Variants in SH3PXD2B observed in about 807,000 individuals in gnomAD.
SH3PXD2B encodes SH3 and PX domain-containing protein 2B.
SH3PXD2B carries 37 observed loss-of-function variants against 73.1 expected under a neutral mutation model. The observed-to-expected ratio is 0.51, with a 90% confidence interval of 0.39 to 0.67. The LOEUF is 0.67. Ranked by LOEUF, SH3PXD2B falls within the 30% of genes least tolerant of loss-of-function variation. SH3PXD2B has a pLI of 0.00. For missense variants in SH3PXD2B, 1,053 were observed against 1,197.8 expected, an observed-to-expected ratio of 0.88 and a Z score of 1.78; for synonymous variants, 457 against 480.5, an observed-to-expected ratio of 0.95 and a Z score of 0.64.
At chr5:172,387,433 T>C (rs2731725) in intron 4 of SH3PXD2B, among the ~76,000 whole-genome samples, 77,471 of 152,088 alleles carry the variant, frequency 0.51, 21,236 homozygotes, top group East Asian at 0.71. Flanking sequence ...TGGTGAAATG[T>C]TCCTAGAAAT....
chr5:172,334,565 C>T lies in SH3PXD2B; in HGVS notation c.*3804G>A, dbSNP rs1471224189. 1 of 985,438 alleles carries T rather than the reference C, an allele frequency of 1.0e-6. No homozygotes were observed. Among genetic ancestry groups the T allele is most frequent in the Non-Finnish European group, 1.2e-6 (1 of 830,028 alleles). The allele number at this position is 985,438 out of a possible 1,614,324, so 61.0% of individuals were successfully genotyped here. On this transcript the variant is annotated 3_prime_UTR_variant, in exon 13 of 13. Coordinates refer to ENST00000311601, the MANE Select transcript of SH3PXD2B (RefSeq NM_001017995.3). Reference sequence around the variant, plus strand: ...TCAGGCTGTTAGGTGTCCACTGTCACAGTCCAAAGAGAAAGGTACGGCCTC... The same window carrying T: ...TCAGGCTGTTAGGTGTCCACTGTCATAGTCCAAAGAGAAAGGTACGGCCTC...
chr5:172,359,565 G>A (rs1198220116), intron 7 of SH3PXD2B, among the ~76,000 whole-genome samples: 1 of 152,156 alleles, frequency 6.6e-6, no homozygotes, highest in Non-Finnish European at 1.5e-5. Flanking sequence ...CTGCGGTAGA[G>A]CTGTGACGTG....
chr5:172,423,350 G>A (rs1759016522), intron 1 of SH3PXD2B, among the ~76,000 whole-genome samples: 1 of 152,160 alleles, frequency 6.6e-6, no homozygotes, highest in South Asian at 2.1e-4. Flanking sequence ...ACAAGTGAAA[G>A]CTGTTTGGAA....
chr5:172,432,913 CTCA>C (rs1759281488), intron 1 of SH3PXD2B, among the ~76,000 whole-genome samples: 3 of 59,978 alleles, frequency 5.0e-5, no homozygotes, highest in African/African-American at 2.7e-4. Flanking sequence ...CTCTGTCTGT[CTCA>C]AAAAAAAAAG....
chr5:172,397,509 TG>T (rs1387490183), intron 3 of SH3PXD2B, among the ~76,000 whole-genome samples: 2 of 152,214 alleles, frequency 1.3e-5, no homozygotes, highest in African/African-American at 4.8e-5. Flanking sequence ...TTTTGCAGCT[TG>T]GGGGGCATCA....
At chr5:172,331,272 G>C (rs1201298372), downstream of SH3PXD2B, among the ~76,000 whole-genome samples, 10 of 152,272 alleles carry the variant, frequency 6.6e-5, no homozygotes, top group Admixed American at 3.9e-4. Flanking sequence ...GACTATACCA[G>C]GTAAGGTGCA....
At chr5:172,441,539 T>TG (rs1759550118) in intron 1 of SH3PXD2B, among the ~76,000 whole-genome samples, 1 of 152,036 alleles carries the variant, frequency 6.6e-6, no homozygotes, top group Non-Finnish European at 1.5e-5. Context: ...GAAGACAAAA[T>TG]GGGGGGTTCA....
At chr5:172,446,490 C>T (rs144937409) in intron 1 of SH3PXD2B, among the ~76,000 whole-genome samples, 2 of 152,194 alleles carry the variant, frequency 1.3e-5, no homozygotes, top group Admixed American at 1.3e-4. Context: ...AGCAAGACTG[C>T]TCCCCTGACA....
rs149344743 is a variant in SH3PXD2B at position 172,396,864 on chromosome 5, C to T, written c.233-2225G>A. On this transcript the variant is annotated intron_variant, in intron 3 of 12. Coordinates refer to ENST00000311601, the MANE Select transcript of SH3PXD2B (RefSeq NM_001017995.3). ...ACTGAGGCAGGAGAATCGCTTGAAC[C>T]CAGGAGATGGAGGTTGCAGTGAGCT... 5.6e-4 allele frequency among the ~76,000 whole-genome samples: 85 copies of T among 152,184 alleles called. No homozygotes were observed. In the East Asian group the frequency reaches 0.012, roughly 21 times the overall value.
At chr5:172,358,961 G>A in intron 7 of SH3PXD2B, 84 bp from the exon 8 acceptor site, 1 of 1,288,472 alleles carries the variant, frequency 7.8e-7, no homozygotes, top group South Asian at 1.3e-5. Context: ...TTCAGCCACT[G>A]TACCAGTGAA....
intron 12 of SH3PXD2B, among the ~76,000 whole-genome samples, chr5:172,344,538 A>T: frequency 7.5e-6 from 1 of 134,194 alleles, no homozygotes; most frequent in African/African-American, 2.8e-5. Flanking sequence ...CAGTGAGCTG[A>T]GATTGAGCCA....
intron 12 of SH3PXD2B, among the ~76,000 whole-genome samples, chr5:172,326,988 C>T (rs1422740508): frequency 1.3e-5 from 2 of 151,622 alleles, no homozygotes; most frequent in African/African-American, 4.8e-5. Context: ...TCCTGAGTAG[C>T]TGGGATTACA....
At chr5:172,401,559 A>C (rs908529596) in intron 3 of SH3PXD2B, among the ~76,000 whole-genome samples, 10 of 152,190 alleles carry the variant, frequency 6.6e-5, no homozygotes, top group Non-Finnish European at 1.3e-4. Context: ...GAGAACGAAC[A>C]AGCCTTCATC....
chr5:172,447,585 T>C (rs778920433), intron 1 of SH3PXD2B, among the ~76,000 whole-genome samples: 6 of 152,220 alleles, frequency 3.9e-5, no homozygotes, highest in Non-Finnish European at 7.3e-5. Context: ...ATCCTCATTT[T>C]ATAGATGAGG....
chr5:172,348,413 G>C (rs1211451026), intron 10 of SH3PXD2B, among the ~76,000 whole-genome samples: 1 of 151,904 alleles, frequency 6.6e-6, no homozygotes, highest in African/African-American at 2.4e-5. Flanking sequence ...GACTAGTAGT[G>C]AGCCGTTCTG....
chr5:172,350,658 T>G, intron 9 of SH3PXD2B, 69 bp from the exon 10 acceptor site: 2 of 1,474,824 alleles, frequency 1.4e-6, no homozygotes, highest in Non-Finnish European at 1.8e-6. Context: ...TTGCTCCTAC[T>G]GGGAATCACA....
intron 1 of SH3PXD2B, among the ~76,000 whole-genome samples, chr5:172,436,352 C>A (rs1159546538): frequency 6.6e-6 from 1 of 152,222 alleles, no homozygotes; most frequent in East Asian, 1.9e-4. Context: ...AACCCAGCAG[C>A]CTGCAGCCAA....
At chr5:172,433,308 C>T (rs1309576816) in intron 1 of SH3PXD2B, among the ~76,000 whole-genome samples, 4 of 152,122 alleles carry the variant, frequency 2.6e-5, no homozygotes, top group Non-Finnish European at 5.9e-5. Context: ...TGCCTAGCAA[C>T]ACATTTCTCA....
At chr5:172,422,257 A>C (rs1473987620) in intron 2 of SH3PXD2B, among the ~76,000 whole-genome samples, 159 bp downstream of exon 2, 1 of 152,190 alleles carries the variant, frequency 6.6e-6, no homozygotes, top group African/African-American at 2.4e-5. Flanking sequence ...CGCCTCCCAA[A>C]GTGCTGGGAT....
Sources: allele counts gnomAD v4.1 joint callset (sites outside exome capture counted in the v4.1 genomes callset), GRCh38; gene constraint gnomAD v4.1.1; transcripts MANE v1.5; gene names NCBI Gene and HGNC (gene_info 2026-07-23, HGNC 2026-07-21).